Variants in NEDD4L observed in about 807,000 individuals in gnomAD.
NEDD4L encodes NEDD4 like E3 ubiquitin protein ligase.
In NEDD4L, 54 loss-of-function variants were observed where a neutral mutation model predicts 148.9. That is an observed-to-expected ratio of 0.36 (90% CI 0.29 to 0.45). The LOEUF is 0.45. Among genes scored for constraint, NEDD4L ranks in the 20% least tolerant of loss-of-function variants. The pLI, the probability that NEDD4L is intolerant of heterozygous loss-of-function variation, is 1.00. For synonymous variants in NEDD4L, 433 were observed against 440.7 expected, an observed-to-expected ratio of 0.98 and a Z score of 0.22; for missense variants, 856 against 1,233.8, an observed-to-expected ratio of 0.69 and a Z score of 4.59.
intron 2 of NEDD4L, among the ~76,000 whole-genome samples, chr18:58,185,100 G>A (rs937603066): frequency 1.3e-5 from 2 of 152,156 alleles, no homozygotes; most frequent in African/African-American, 4.8e-5. Context: ...CACTGTACTT[G>A]TAGCAGCAGT....
intron 5 of NEDD4L, among the ~76,000 whole-genome samples, chr18:58,267,401 T>A (rs2050370152): frequency 6.6e-6 from 1 of 152,044 alleles, no homozygotes; most frequent in Non-Finnish European, 1.5e-5. Flanking sequence ...ATGTAACAGT[T>A]CCCAAGGAAC....
intron 1 of NEDD4L, among the ~76,000 whole-genome samples, chr18:58,075,306 A>G (rs2083101537): frequency 6.6e-6 from 1 of 152,070 alleles, no homozygotes; most frequent in African/African-American, 2.4e-5. Context: ...GCACACCACC[A>G]TGCCCGACTA....
At chr18:58,063,432 C>T (rs890363578) in intron 1 of NEDD4L, among the ~76,000 whole-genome samples, 1 of 152,034 alleles carries the variant, frequency 6.6e-6, no homozygotes, top group African/African-American at 2.4e-5. Context: ...CATGTTTTGT[C>T]TATTATACTA....
chr18:58,335,455 C>T (rs2041616306), intron 12 of NEDD4L, 23 bp from the exon 13 acceptor site: 1 of 1,605,460 alleles, frequency 6.2e-7, no homozygotes, highest in Non-Finnish European at 8.5e-7. Context: ...GTGCATTTCA[C>T]TGATGTAAAT....
intron 5 of NEDD4L, among the ~76,000 whole-genome samples, chr18:58,288,635 A>G (rs187875940): frequency 5.9e-5 from 9 of 152,322 alleles, no homozygotes; most frequent in Admixed American, 5.9e-4. Flanking sequence ...TGTTAACTTT[A>G]TTTCCAAAAC....
At chr18:58,063,897 G>A (rs192088734) in intron 1 of NEDD4L, among the ~76,000 whole-genome samples, 28 of 150,506 alleles carry the variant, frequency 1.9e-4, no homozygotes, top group African/African-American at 6.8e-4. Flanking sequence ...AACCCCTTTA[G>A]AGAAAAAACA....
intron 2 of NEDD4L, among the ~76,000 whole-genome samples, chr18:58,223,251 A>C (rs981863699): frequency 4.6e-5 from 7 of 152,146 alleles, no homozygotes; most frequent in African/African-American, 1.7e-4. Flanking sequence ...TTTTAAGTTA[A>C]ATGAAGGTTT....
At chr18:58,215,990 T>G (rs2147830481) in intron 2 of NEDD4L, among the ~76,000 whole-genome samples, 1 of 152,298 alleles carries the variant, frequency 6.6e-6, no homozygotes, top group African/African-American at 2.4e-5. Flanking sequence ...AATTTTTTTT[T>G]TTTTTTAGTC....
chr18:58,286,421 TTATTG>T (rs1176447068), intron 5 of NEDD4L, among the ~76,000 whole-genome samples: 1 of 152,234 alleles, frequency 6.6e-6, no homozygotes, highest in Admixed American at 6.5e-5. Flanking sequence ...TTAAAATACT[TTATTG>T]AAACTGCCAT....
At chr18:58,061,028 G>C (rs1173418295) in intron 1 of NEDD4L, among the ~76,000 whole-genome samples, 2 of 152,162 alleles carry the variant, frequency 1.3e-5, no homozygotes, top group Non-Finnish European at 2.9e-5. Context: ...CCAAAGTGCT[G>C]GGATTACAGG....
chr18:58,315,978 A>G lies in NEDD4L; in HGVS notation c.298-4A>G, dbSNP rs1336372490. 2.5e-6 allele frequency: 4 copies of G among 1,612,006 alleles called. No homozygotes were observed. Among genetic ancestry groups the G allele is most frequent in the Non-Finnish European group, 3.4e-6 (4 of 1,178,182 alleles). On this transcript the variant is annotated splice_region_variant and splice_polypyrimidine_tract_variant and intron_variant, in intron 5 of 30. Transcript: ENST00000400345. ...ACACTAACTCTTTGTTCTCTTCCTA[A>G]CAGACACGAGACGACTTCCTGGGCC...
At chr18:58,191,215 G>T (rs2040077904) in intron 2 of NEDD4L, among the ~76,000 whole-genome samples, 1 of 152,204 alleles carries the variant, frequency 6.6e-6, no homozygotes, top group South Asian at 2.1e-4. Flanking sequence ...TATAAGGGCT[G>T]AGATTTTTAA....
chr18:58,372,353 C>A (rs2046996493), intron 23 of NEDD4L: 2 of 151,928 alleles, frequency 1.3e-5, no homozygotes, highest in East Asian at 3.9e-4. Flanking sequence ...CTCAAGCCCT[C>A]CTCCTGCCTC....
chr18:58,256,131 T>C lies in NEDD4L; in HGVS notation c.297+4077T>C, dbSNP rs2048509216. The C allele has an allele frequency of 8.2e-7, 1 of 1,225,420 alleles. No individual in the cohort carries two copies. The highest frequency in any genetic ancestry group is 1.6e-5 in the African/African-American group (1 of 64,150). The allele number at this position is 1,225,420 out of a possible 1,614,324, so 75.9% of individuals were successfully genotyped here. A position where few individuals can be genotyped will look rare whatever the true frequency, so the allele number is the denominator to read the frequency against. ...CCGAGGGCAGCCCGGGACCCAGGGC[T>C]CCAGGTCAACGGCACGTGCGGCCGC... On this transcript the variant is annotated intron_variant, in intron 5 of 30. Transcript: ENST00000400345. The surrounding 1 kb of genome is among the most constrained non-coding windows in gnomAD (Gnocchi z 5.2).
At chr18:58,099,683 T>C (rs2084637427) in intron 1 of NEDD4L, among the ~76,000 whole-genome samples, 1 of 152,192 alleles carries the variant, frequency 6.6e-6, no homozygotes, top group South Asian at 2.1e-4. Flanking sequence ...GTCTGCTTCA[T>C]TGGTTCTTGA....
At chr18:58,361,212 T>C (rs887930347) in intron 19 of NEDD4L, among the ~76,000 whole-genome samples, 1 of 152,218 alleles carries the variant, frequency 6.6e-6, no homozygotes, top group South Asian at 2.1e-4. Context: ...GCTTACCTAG[T>C]ACCTAGAGTT....
intron 1 of NEDD4L, among the ~76,000 whole-genome samples, chr18:58,069,261 A>C (rs1417591346): frequency 6.6e-6 from 1 of 152,122 alleles, no homozygotes; most frequent in Non-Finnish European, 1.5e-5. Context: ...CTTCCTCAGC[A>C]AGTGTCAACA....
intron 1 of NEDD4L, among the ~76,000 whole-genome samples, chr18:58,143,377 C>T (rs1488481367): frequency 6.6e-6 from 1 of 152,202 alleles, no homozygotes; most frequent in Non-Finnish European, 1.5e-5. Context: ...GTATCAGCTG[C>T]AGTGTCTGTA....
chr18:58,215,037 C>G (rs2043027060), intron 2 of NEDD4L, among the ~76,000 whole-genome samples: 1 of 152,044 alleles, frequency 6.6e-6, no homozygotes, highest in African/African-American at 2.4e-5. Flanking sequence ...GTCTTGAACT[C>G]CTGACCTCAA....
Sources: gnomAD v4.1 joint callset for allele counts (sites outside exome capture counted in the v4.1 genomes callset) on GRCh38, gnomAD v4.1.1 for gene constraint, Gnocchi (gnomAD v3.1) non-coding constraint, MANE v1.5 for transcripts, NCBI Gene and HGNC (gene_info 2026-07-23, HGNC 2026-07-21) for gene names.